Variants in SPATS2L observed in about 807,000 individuals in gnomAD.
SPATS2L encodes spermatogenesis associated serine rich 2 like.
Under a neutral mutation model 59.6 loss-of-function variants are expected in SPATS2L, and 30 were observed. The observed-to-expected ratio is 0.50, with a 90% CI of 0.38 to 0.68. SPATS2L has a LOEUF of 0.68. SPATS2L is among the 30% of genes least tolerant of loss of function. The pLI, the probability that SPATS2L is intolerant of heterozygous loss-of-function variation, is 0.00. For missense variants in SPATS2L, 615 were observed against 700.0 expected (o/e 0.88, Z 1.37); for synonymous variants, 252 against 263.5 (o/e 0.96, Z 0.42).
intron 8 of SPATS2L, among the ~76,000 whole-genome samples, chr2:200,456,761 C>T (rs542499940): frequency 3.0e-4 from 46 of 152,286 alleles, no homozygotes; most frequent in African/African-American, 1.1e-3. Flanking sequence ...CATCTGAGGA[C>T]ATGCCAGTCT....
At chr2:200,423,081 A>G (rs1171652224) in intron 6 of SPATS2L, among the ~76,000 whole-genome samples, 2 of 152,202 alleles carry the variant, frequency 1.3e-5, no homozygotes, top group Non-Finnish European at 2.9e-5. Flanking sequence ...GGTAGGACAG[A>G]GTGAGATGGC....
At chr2:200,384,632 G>A (rs974309324) in intron 2 of SPATS2L, among the ~76,000 whole-genome samples, 5 of 152,174 alleles carry the variant, frequency 3.3e-5, no homozygotes, top group Admixed American at 3.3e-4. Flanking sequence ...GATTACAGAC[G>A]TGAGCCACCG....
At chr2:200,306,522 A>T (rs1469283161), upstream of SPATS2L, 16 of 1,002,150 alleles carry the variant, frequency 1.6e-5, no homozygotes, top group Non-Finnish European at 1.9e-5. Flanking sequence ...GTGTGAGCGG[A>T]TACAAAACCC....
intron 1 of SPATS2L, among the ~76,000 whole-genome samples, chr2:200,307,253 A>C (rs2079052167): frequency 6.6e-6 from 1 of 151,204 alleles, no homozygotes; most frequent in East Asian, 2.0e-4. Flanking sequence ...CCCGCCCCGG[A>C]TCTGAATCGC....
intron 3 of SPATS2L, among the ~76,000 whole-genome samples, chr2:200,398,030 C>A (rs951882936): frequency 6.6e-6 from 1 of 152,172 alleles, no homozygotes; most frequent in Non-Finnish European, 1.5e-5. Flanking sequence ...CTCAAACTTA[C>A]AATGCAGTAT....
rs528958603 is a variant in SPATS2L, at chr2:200,375,323, G to A, written c.-22-13900G>A. ...GGTTAACTTCAGTCTTTCTTTTTTG[G>A]ACAAAAGTGTAGGCTTTGATCGAGA... On this transcript the variant is annotated intron_variant, in intron 2 of 12. Transcript: ENST00000409140. Among the ~76,000 whole-genome samples, 18 of 152,080 alleles carry A rather than the reference G, an allele frequency of 1.2e-4. No homozygotes were observed. In the South Asian group the frequency reaches 2.5e-3, roughly 21 times the overall value.
chr2:200,357,911 T>G (rs1473260835), intron 2 of SPATS2L, among the ~76,000 whole-genome samples: 1 of 152,154 alleles, frequency 6.6e-6, no homozygotes, highest in Non-Finnish European at 1.5e-5. Context: ...CAGTTTGAAT[T>G]TATAACTGAA....
intron 4 of SPATS2L, 117 bp downstream of exon 4, chr2:200,412,536 G>C (rs1405117182): frequency 6.2e-6 from 3 of 486,340 alleles, no homozygotes; most frequent in Admixed American, 4.1e-5. Context: ...AGGTCTCATA[G>C]AAATGTGCGA....
intron 3 of SPATS2L, among the ~76,000 whole-genome samples, chr2:200,396,397 T>C (rs1007333691): frequency 6.6e-6 from 1 of 152,154 alleles, no homozygotes; most frequent in Non-Finnish European, 1.5e-5. Flanking sequence ...AGGTGACATA[T>C]TCAATGTCTC....
chr2:200,419,567 C>CAACAT, intron 6 of SPATS2L, 71 bp downstream of exon 6: 1 of 1,541,412 alleles, frequency 6.5e-7, no homozygotes, highest in Non-Finnish European at 8.9e-7. Flanking sequence ...CTCATTGGGG[C>CAACAT]TGCTGTTGAT....
At chr2:200,463,042 C>CG (rs1553541279) in intron 9 of SPATS2L, among the ~76,000 whole-genome samples, 4,870 of 151,942 alleles carry the variant, frequency 0.032, 113 homozygotes, top group South Asian at 0.052. Flanking sequence ...AATATGTGTG[C>CG]AAAAAGGGAA....
intron 8 of SPATS2L, among the ~76,000 whole-genome samples, chr2:200,447,722 T>TA (rs972803177): frequency 2.6e-5 from 4 of 152,156 alleles, no homozygotes; most frequent in African/African-American, 9.7e-5. Flanking sequence ...TGTACAGTAA[T>TA]AAGATGATGC....
chr2:200,368,329 A>T (rs1200309721), intron 2 of SPATS2L, among the ~76,000 whole-genome samples: 2 of 152,228 alleles, frequency 1.3e-5, no homozygotes, highest in Non-Finnish European at 2.9e-5. Context: ...GGTATAATTT[A>T]GTTCTGCTAT....
chr2:200,376,185 G>C (rs2081593057), intron 2 of SPATS2L, among the ~76,000 whole-genome samples: 1 of 152,148 alleles, frequency 6.6e-6, no homozygotes, highest in Non-Finnish European at 1.5e-5. Flanking sequence ...AATTCTTTTT[G>C]TAACGTATTA....
chr2:200,378,459 A>G (rs1239031112), intron 2 of SPATS2L: 14 of 929,944 alleles, frequency 1.5e-5, no homozygotes, highest in Middle Eastern at 4.1e-4. Context: ...GTACTCTCCA[A>G]CTGGAAGTCC....
At position 200,352,311 on chromosome 2, in the gene SPATS2L, TTTTATA is replaced by T. The variant is rs1177085155; in HGVS notation, c.-23+22833_-23+22838del. 2.4e-3 allele frequency among the ~76,000 whole-genome samples: 292 copies of T among 121,906 alleles called. 68 individuals carry two copies. Among genetic ancestry groups the T allele is most frequent in the African/African-American group, 5.5e-3 (118 of 21,602 alleles). 80.0% of individuals were successfully genotyped at this position (121,906 alleles called of 152,430 possible). On this transcript the variant is annotated intron_variant, in intron 2 of 12. Coordinates refer to ENST00000409140, the MANE Select transcript of SPATS2L (RefSeq NM_001100423.2). ...GTTTTGAGGCTATATAACCAGCAGT[TTTTATA>T]TATATATATATATATATATATATAT... is the stretch of plus-strand genomic sequence containing the variant.
intron 1 of SPATS2L, among the ~76,000 whole-genome samples, chr2:200,313,814 G>C (rs980877852): frequency 6.6e-6 from 1 of 152,062 alleles, no homozygotes; most frequent in African/African-American, 2.4e-5. Flanking sequence ...CATTATCTAG[G>C]ATTCTCTTTC....
chr2:200,364,106 G>C (rs933716752), intron 2 of SPATS2L, among the ~76,000 whole-genome samples: 2 of 152,150 alleles, frequency 1.3e-5, no homozygotes, highest in African/African-American at 4.8e-5. Context: ...GGGGGAAGGA[G>C]ACATAAGCTA....
At chr2:200,381,348 A>G (rs1369225557) in intron 2 of SPATS2L, among the ~76,000 whole-genome samples, 1 of 152,212 alleles carries the variant, frequency 6.6e-6, no homozygotes, top group Non-Finnish European at 1.5e-5. Flanking sequence ...ACAAACCTGT[A>G]GTACCTGAGA....
Sources: gnomAD v4.1 joint callset for allele counts (sites outside exome capture counted in the v4.1 genomes callset) on GRCh38, gnomAD v4.1.1 for gene constraint, MANE v1.5 for transcripts, NCBI Gene and HGNC (gene_info 2026-07-23, HGNC 2026-07-21) for gene names.